Variants in YWHAZ observed in about 807,000 individuals in gnomAD.
YWHAZ encodes 14-3-3 protein zeta/delta.
For synonymous variants in YWHAZ, 87 were observed against 103.6 expected (o/e 0.84, Z 0.97); for missense variants, 79 against 284.8 (o/e 0.28, Z 5.20).
chr8:100,942,091 C>T (rs1055641510), intron 2 of YWHAZ, among the ~76,000 whole-genome samples: 2 of 152,140 alleles, frequency 1.3e-5, no homozygotes, highest in Non-Finnish European at 2.9e-5. Context: ...CACAACAAAT[C>T]CTGTCAAAAG....
chr8:100,925,146 A>G (rs3105460), intron 2 of YWHAZ, 107 bp from the exon 3 acceptor site: 751,144 of 1,188,022 alleles, frequency 0.63, 239,092 homozygotes, highest in African/African-American at 0.79. Flanking sequence ...AAACTTAAAC[A>G]CCCAGTCACT....
chr8:100,945,001 A>G (rs888617986), intron 2 of YWHAZ, among the ~76,000 whole-genome samples: 2 of 152,236 alleles, frequency 1.3e-5, no homozygotes, highest in Non-Finnish European at 2.9e-5. Flanking sequence ...TGTGCAAGAT[A>G]AAAACTACCC....
intron 2 of YWHAZ, among the ~76,000 whole-genome samples, chr8:100,931,491 G>A (rs192725238): frequency 2.6e-5 from 4 of 152,080 alleles, no homozygotes; most frequent in Admixed American, 2.0e-4. Flanking sequence ...TTAACCTTTC[G>A]GGCATTCAAC....
rs781200859 is a variant in YWHAZ at position 100,922,788 on chromosome 8, C to CA, written c.678+1166dup. 1.3e-5 allele frequency: 2 copies of CA among 152,166 alleles called. No homozygotes were observed. Among genetic ancestry groups the CA allele is most frequent in the Non-Finnish European group, 2.9e-5 (2 of 68,044 alleles). The allele number at this position is 152,166 out of a possible 1,614,324, so 9.4% of individuals were successfully genotyped here. ...AGGGCCTCTCAAAAAGTGATGTGAACAAAACACAGTATCTAGGTCTCAGGT... is the reference window on the plus strand; with the variant it reads ...AGGGCCTCTCAAAAAGTGATGTGAACAAAAACACAGTATCTAGGTCTCAGGT... On this transcript the variant is annotated intron_variant, in intron 5 of 5. Transcript: ENST00000395958. This position sits in a 1 kb window ranked among gnomAD's most constrained non-coding sequence, Gnocchi z 4.1.
chr8:100,937,716 A>G (rs1814257792), intron 2 of YWHAZ, among the ~76,000 whole-genome samples: 1 of 152,236 alleles, frequency 6.6e-6, no homozygotes, highest in African/African-American at 2.4e-5. Flanking sequence ...GGACACAGAC[A>G]TGCCTGCTTT....
upstream of YWHAZ, chr8:100,952,179 G>A (rs1810843676): frequency 2.1e-5 from 21 of 984,020 alleles, no homozygotes; most frequent in Non-Finnish European, 2.5e-5. Flanking sequence ...CCGCGTAACC[G>A]CCGCTCCCCG....
intron 2 of YWHAZ, among the ~76,000 whole-genome samples, chr8:100,937,133 A>T (rs1814206020): frequency 6.6e-6 from 1 of 152,226 alleles, no homozygotes; most frequent in African/African-American, 2.4e-5. Context: ...ACATGTGGAC[A>T]ATCTGGCAAA....
chr8:100,933,857 A>G (rs562061644), intron 2 of YWHAZ, among the ~76,000 whole-genome samples: 1 of 152,200 alleles, frequency 6.6e-6, no homozygotes, highest in South Asian at 2.1e-4. Context: ...AAAATAATTT[A>G]AAAACTTAGC....
rs1563660817 is a variant in YWHAZ at position 100,917,425 on chromosome 8, A to C, written c.*3268T>G. ...GACAACTCTTAAGTGGCCAATTTAA[A>C]AAAAACATACCAGGGTGGGCACAGT... On this transcript the variant is annotated 3_prime_UTR_variant, in exon 6 of 6. Transcript: ENST00000395958. The C allele has an allele frequency of 1.4e-5, 2 of 144,400 alleles. No homozygotes were observed. Among genetic ancestry groups the C allele is most frequent in the Non-Finnish European group, 3.2e-5 (2 of 62,990 alleles). 8.9% of individuals were successfully genotyped at this position (144,400 alleles called of 1,614,324 possible).
rs1194927187 is a variant in YWHAZ at position 100,952,008 on chromosome 8, C to T, written c.-91G>A. On this transcript the variant is annotated 5_prime_UTR_variant, in exon 1 of 6. Coordinates refer to ENST00000395958, the MANE Select transcript of YWHAZ (RefSeq NM_145690.3). ...GGCGGCGGCGGCAGCAGCGGCGAGG[C>T]TGAGACTCTGTCCCTGGATCTCGCT... is the stretch of plus-strand genomic sequence containing the variant. 1.0e-6 allele frequency: 1 copy of T among 1,001,300 alleles called. No individual in the cohort carries two copies. The highest frequency in any genetic ancestry group is 1.2e-6 in the Non-Finnish European group (1 of 841,028). 62.0% of individuals were successfully genotyped at this position (1,001,300 alleles called of 1,614,324 possible).
intron 2 of YWHAZ, among the ~76,000 whole-genome samples, chr8:100,926,932 A>G (rs1410431880): frequency 6.6e-6 from 1 of 152,180 alleles, no homozygotes; most frequent in Non-Finnish European, 1.5e-5. Flanking sequence ...TTATTCATTC[A>G]ACTATGGGAG....
At chr8:100,940,586 A>G (rs972084922) in intron 2 of YWHAZ, among the ~76,000 whole-genome samples, 1 of 152,260 alleles carries the variant, frequency 6.6e-6, no homozygotes, top group Non-Finnish European at 1.5e-5. Context: ...TCAGCTTTCT[A>G]AAGTTCTCTT....
chr8:100,944,198 T>C (rs1451268338), intron 2 of YWHAZ, among the ~76,000 whole-genome samples: 1 of 152,160 alleles, frequency 6.6e-6, no homozygotes, highest in African/African-American at 2.4e-5. Context: ...ATGAGCTGTC[T>C]AGTGATTTTC....
upstream of YWHAZ, chr8:100,952,260 C>T (rs1810852154): frequency 8.6e-6 from 5 of 583,804 alleles, no homozygotes; most frequent in African/African-American, 2.0e-5. Flanking sequence ...GCCGCCACTC[C>T]TCCCACCCCG....
At chr8:100,941,871 A>C (rs1489025873) in intron 2 of YWHAZ, among the ~76,000 whole-genome samples, 1 of 152,156 alleles carries the variant, frequency 6.6e-6, no homozygotes, top group African/African-American at 2.4e-5. Flanking sequence ...TAAAATACTA[A>C]TACAACAAAA....
chr8:100,942,032 T>G (rs1809902728), intron 2 of YWHAZ, among the ~76,000 whole-genome samples: 1 of 152,214 alleles, frequency 6.6e-6, no homozygotes, highest in Non-Finnish European at 1.5e-5. Context: ...TATATTCTTT[T>G]ACCTGTTGTT....
At chr8:100,946,711 T>C (rs1369738169) in intron 2 of YWHAZ, among the ~76,000 whole-genome samples, 1 of 152,092 alleles carries the variant, frequency 6.6e-6, no homozygotes, top group African/African-American at 2.4e-5. Context: ...AAGGTAAATG[T>C]TACATTCCTT....
rs1425232148 is a variant in YWHAZ, at chr8:100,918,286, T to G, written c.*2407A>C. On this transcript the variant is annotated 3_prime_UTR_variant, in exon 6 of 6. Transcript: ENST00000395958. ...TGAACCCAGCAGGCGGAGGTTGCAC[T>G]CAGCCGAGATCGCACCACTGCACTC... is the stretch of plus-strand genomic sequence containing the variant. 1 of 142,302 alleles carries G rather than the reference T, an allele frequency of 7.0e-6. No homozygotes were observed. Among genetic ancestry groups the G allele is most frequent in the African/African-American group, 2.6e-5 (1 of 38,100 alleles). 8.8% of individuals were successfully genotyped at this position (142,302 alleles called of 1,614,324 possible). A position where few individuals can be genotyped will look rare whatever the true frequency, so the allele number is the denominator to read the frequency against.
chr8:100,951,348 GGGGTGGGGGAGGGCC>G, intron 1 of YWHAZ: 1 of 984,548 alleles, frequency 1.0e-6, no homozygotes, highest in Non-Finnish European at 1.2e-6. Context: ...ACCGCCTCCC[GGGGTGGGGGAGGGCC>G]GGGTCCCGCC....
Sources: allele counts gnomAD v4.1 joint callset (sites outside exome capture counted in the v4.1 genomes callset), GRCh38; gene constraint gnomAD v4.1.1; non-coding constraint Gnocchi (gnomAD v3.1); transcripts MANE v1.5; gene names NCBI Gene and HGNC (gene_info 2026-07-23, HGNC 2026-07-21).